SRC: variants seen among roughly 807,000 people sequenced by gnomAD.
SRC encodes the protein SRC proto-oncogene, non-receptor tyrosine kinase.
Under a neutral mutation model 62.9 loss-of-function variants are expected in SRC, and 13 were observed. The observed-to-expected ratio is 0.21, with a 90% CI of 0.13 to 0.33. The LOEUF is 0.33. SRC is among the 10% of genes least tolerant of loss of function. SRC has a pLI of 1.00. For missense variants in SRC, 457 were observed against 737.3 expected, an observed-to-expected ratio of 0.62 and a Z score of 4.40; for synonymous variants, 302 against 317.5, an observed-to-expected ratio of 0.95 and a Z score of 0.52.
intron 2 of SRC, among the ~76,000 whole-genome samples, chr20:37,365,860 A>G (rs892102126): frequency 6.6e-6 from 1 of 152,132 alleles, no homozygotes; most frequent in Admixed American, 6.5e-5. Flanking sequence ...CTGGGATTAT[A>G]GGTATGAGCC....
Position 37,397,751 on chromosome 20 carries a change from G to C in SRC, c.756G>C (p.Lys252Asn). 1 of 1,610,338 alleles carries C rather than the reference G, an allele frequency of 6.2e-7. No homozygotes were observed. The change falls in exon 9 of 14, where the codon AAG becomes AAC. Residue 252 changes from lysine (K) to asparagine (N), a missense_variant. This residue lies in a region of SRC where 141 missense variants were observed against 198.4 expected (regional missense o/e 0.71). Coordinates refer to ENST00000373578, the MANE Select transcript of SRC (RefSeq NM_198291.3). This position sits in a 1 kb window ranked among gnomAD's most constrained non-coding sequence, Gnocchi z 4.1. ...HRLTTVCPTS[K>N]PQTQGLAKDA... The stretch of plus-strand genomic sequence containing the variant: ...TCACCACCGTGTGCCCCACGTCCAA[G>C]CCGCAGACTCAGGGCCTGGCCAAGG...
At chr20:37,345,612 T>C (rs1012508756), upstream of SRC, among the ~76,000 whole-genome samples, 1 of 152,204 alleles carries the variant, frequency 6.6e-6, no homozygotes, top group Non-Finnish European at 1.5e-5. Flanking sequence ...GTCCAAGGCC[T>C]GGTTCTTGTC....
rs56671459 is a variant in SRC, at chr20:37,384,666, CA to C, written c.250+265del. ...TGGGTTCTAATTGGACGCTTAAGCC[CA>C]AGAAGAAGAAGGGCGGCGCGGGACC... On this transcript the variant is annotated intron_variant, in intron 4 of 13. Transcript: ENST00000373578. The surrounding 1 kb of genome is among the most constrained non-coding windows in gnomAD (Gnocchi z 6.7). Among the ~76,000 whole-genome samples the C allele has an allele frequency of 1.3e-5, 2 of 151,776 alleles. No homozygotes were observed. The highest frequency in any genetic ancestry group is 4.8e-5 in the African/African-American group (2 of 41,260).
intron 3 of SRC, among the ~76,000 whole-genome samples, chr20:37,383,427 C>G (rs994007184): frequency 6.6e-6 from 1 of 152,156 alleles, no homozygotes; most frequent in Non-Finnish European, 1.5e-5. Context: ...AGGCAATTCC[C>G]GTCAGCCACG....
chr20:37,391,226 C>T (rs935771670), intron 5 of SRC, among the ~76,000 whole-genome samples: 2 of 152,208 alleles, frequency 1.3e-5, no homozygotes, highest in Non-Finnish European at 2.9e-5. Context: ...GGCCCCTTCC[C>T]GCTGTGGCCT....
At chr20:37,392,907 C>A (rs1277126976) in intron 5 of SRC, among the ~76,000 whole-genome samples, 3 of 152,116 alleles carry the variant, frequency 2.0e-5, no homozygotes, top group Non-Finnish European at 4.4e-5. Flanking sequence ...TCTCACCACC[C>A]CCATCTCTGC....
intron 2 of SRC, among the ~76,000 whole-genome samples, 184 bp downstream of exon 2, chr20:37,365,461 T>G (rs2070049102): frequency 6.6e-6 from 1 of 151,630 alleles, no homozygotes; most frequent in South Asian, 2.1e-4. Context: ...TCCAGGGAGA[T>G]CCAAGCATAT....
chr20:37,387,624 A>G (rs1379250266), intron 5 of SRC, among the ~76,000 whole-genome samples: 1 of 152,214 alleles, frequency 6.6e-6, no homozygotes, highest in African/African-American at 2.4e-5. Context: ...GCGAAGCTAC[A>G]GTTTCCTTAT....
At position 37,405,828 on chromosome 20, in the gene SRC, G is replaced by A. The variant is rs2070819850; in HGVS notation, c.*2449G>A. On this transcript the variant is annotated 3_prime_UTR_variant, in exon 14 of 14. Coordinates refer to ENST00000373578, the MANE Select transcript of SRC (RefSeq NM_198291.3). ...CTAGGAGTGCAGGGCAGGGGTGCTG[G>A]GTCGATCCACAAAAGTCCTGAAAAC... 6.6e-6 allele frequency: 1 copy of A among 152,098 alleles called. No individual in the cohort carries two copies. Among genetic ancestry groups the A allele is most frequent in the Non-Finnish European group, 1.5e-5 (1 of 68,040 alleles). 9.4% of individuals were successfully genotyped at this position (152,098 alleles called of 1,614,324 possible).
intron 1 of SRC, among the ~76,000 whole-genome samples, chr20:37,350,394 G>A (rs1349630616): frequency 1.3e-5 from 2 of 152,220 alleles, no homozygotes; most frequent in Non-Finnish European, 2.9e-5. Context: ...CCTGTCCTGT[G>A]ATTCAGTTTC....
At position 37,393,982 on chromosome 20, in the gene SRC, C is replaced by T; in HGVS notation, c.438C>T (p.Ile146=). 1 of 1,613,908 alleles carries T rather than the reference C, an allele frequency of 6.2e-7. No homozygotes were observed. Among genetic ancestry groups the T allele is most frequent in the South Asian group, 1.1e-5 (1 of 91,080 alleles). The change falls in exon 6 of 14, where the codon ATC becomes ATT. Residue 146 remains isoleucine, a synonymous_variant. Transcript: ENST00000373578. ...PSNYVAPSDS[I]QAEEWYFGKI... ...ACTACGTGGCGCCCTCCGACTCCAT[C>T]CAGGCTGAGGAGTGAGTACCGTCTC...
At chr20:37,393,158 C>T (rs2070581638) in intron 5 of SRC, among the ~76,000 whole-genome samples, 1 of 152,222 alleles carries the variant, frequency 6.6e-6, no homozygotes, top group African/African-American at 2.4e-5. Flanking sequence ...GCTCTGCCAC[C>T]TCACCCCCTC....
intron 2 of SRC, among the ~76,000 whole-genome samples, chr20:37,381,955 C>G (rs991129463): frequency 5.3e-5 from 8 of 152,158 alleles, no homozygotes; most frequent in Non-Finnish European, 8.8e-5. Flanking sequence ...GCAAACCATA[C>G]CCCCATTGTG....
chr20:37,368,313 G>T (rs2070097301), intron 2 of SRC, among the ~76,000 whole-genome samples: 1 of 151,904 alleles, frequency 6.6e-6, no homozygotes, highest in Non-Finnish European at 1.5e-5. Flanking sequence ...AGCTACTCAG[G>T]AGGATGAGGC....
In SRC at chr20:37,397,729, C is replaced by A. The variant is rs754617799; in HGVS notation, c.734C>A (p.Thr245Asn). 2 of 1,603,238 alleles carry A rather than the reference C, an allele frequency of 1.2e-6. No homozygotes were observed. The highest frequency in any genetic ancestry group is 2.2e-5 in the East Asian group (1 of 44,660). Residue 245 changes from threonine to asparagine, a missense_variant, in exon 9 of 14, where the codon ACC becomes AAC. This residue lies in a region of SRC where 141 missense variants were observed against 198.4 expected (regional missense o/e 0.71). Transcript: ENST00000373578. The surrounding 1 kb of genome is among the most constrained non-coding windows in gnomAD (Gnocchi z 4.1). ...KHADGLCHRL[T>N]TVCPTSKPQT... ...GCCGATGGCCTGTGCCACCGCCTCA[C>A]CACCGTGTGCCCCACGTCCAAGCCG...
At position 37,396,500 on chromosome 20, in the gene SRC, T is replaced by G; in HGVS notation, c.703+189T>G. 5 of 703,330 alleles carry G rather than the reference T, an allele frequency of 7.1e-6. No homozygotes were observed. The highest frequency in any genetic ancestry group is 1.2e-5 in the Non-Finnish European group (5 of 434,108). The allele number at this position is 703,330 out of a possible 1,614,324, so 43.6% of individuals were successfully genotyped here. ...CTTGTCTCCTTCTTCTTCCTCTTCT[T>G]TCCCCCAGCCCCCCTCCTCCCTGTC... On this transcript the variant is annotated intron_variant, in intron 8 of 13. Coordinates refer to ENST00000373578, the MANE Select transcript of SRC (RefSeq NM_198291.3). The surrounding 1 kb of genome is among the most constrained non-coding windows in gnomAD (Gnocchi z 6.1).
chr20:37,354,804 G>A (rs938545776), intron 1 of SRC, among the ~76,000 whole-genome samples: 7 of 152,196 alleles, frequency 4.6e-5, no homozygotes, highest in African/African-American at 9.7e-5. Context: ...TTGCTGCCGC[G>A]TGCCCCGGGT....
At chr20:37,373,335 TGTAC>T (rs2070216757) in intron 2 of SRC, among the ~76,000 whole-genome samples, 1 of 150,724 alleles carries the variant, frequency 6.6e-6, no homozygotes, top group Non-Finnish European at 1.5e-5. Context: ...CATACACACA[TGTAC>T]ACACACATAT....
At chr20:37,373,069 TAC>T (rs986169162) in intron 2 of SRC, among the ~76,000 whole-genome samples, 27 of 151,786 alleles carry the variant, frequency 1.8e-4, no homozygotes, top group Non-Finnish European at 2.2e-4. Context: ...TACACACATA[TAC>T]ACACATATAT....
Sources: gnomAD v4.1 joint callset for allele counts (sites outside exome capture counted in the v4.1 genomes callset) on GRCh38, gnomAD v4.1.1 for gene constraint, gnomAD v4.1.1 regional missense constraint, Gnocchi (gnomAD v3.1) non-coding constraint, MANE v1.5 for transcripts, NCBI Gene and HGNC (gene_info 2026-07-23, HGNC 2026-07-21) for gene names.